WDR41: variants seen among roughly 807,000 people sequenced by gnomAD.
WDR41 encodes the protein WD repeat domain 41, also known as WD repeat-containing protein 41.
A neutral mutation model predicts 69.3 loss-of-function variants in WDR41; 63 were observed. The ratio of observed to expected loss-of-function variants is 0.91; its 90% confidence interval spans 0.74 to 1.12. The LOEUF (loss-of-function observed/expected upper bound fraction) is 1.12. Among genes scored for constraint, WDR41 ranks in the 50% most tolerant of loss-of-function variants. The probability of loss-of-function intolerance (pLI) is 0.00; values close to 1 mark genes in which losing one functional copy is unlikely to be tolerated. For missense variants in WDR41, 543 were observed against 534.5 expected (o/e 1.02, Z -0.16); for synonymous variants, 185 against 192.1 (o/e 0.96, Z 0.31).
intron 1 of WDR41, among the ~76,000 whole-genome samples, chr5:77,614,651 TGG>T (rs1193049469): frequency 1.1e-4 from 1 of 9,430 alleles, no homozygotes; most frequent in African/African-American, 3.7e-4. Flanking sequence ...TGTTGTGGGG[TGG>T]GGGGGGAGGG....
At chr5:77,538,110 T>C (rs1743022735) in intron 1 of WDR41, among the ~76,000 whole-genome samples, 1 of 152,150 alleles carries the variant, frequency 6.6e-6, no homozygotes, top group South Asian at 2.1e-4. Flanking sequence ...TCCTACTGAA[T>C]CTCTCCACTC....
At chr5:77,449,235 C>T (rs938391079) in intron 8 of WDR41, among the ~76,000 whole-genome samples, 1 of 98,232 alleles carries the variant, frequency 1.0e-5, no homozygotes, top group African/African-American at 6.5e-5. Context: ...TCAAAACCCC[C>T]ACCACGAGGA....
intron 2 of WDR41, among the ~76,000 whole-genome samples, chr5:77,471,833 G>A (rs1012343325): frequency 9.9e-5 from 15 of 152,054 alleles, no homozygotes; most frequent in African/African-American, 2.4e-4. Flanking sequence ...ATTCACAGCC[G>A]AATTCTACCA....
intron 1 of WDR41, among the ~76,000 whole-genome samples, chr5:77,604,479 T>C (rs879399921): frequency 5.3e-5 from 8 of 152,240 alleles, no homozygotes; most frequent in Non-Finnish European, 1.0e-4. Context: ...AAAGTCATCC[T>C]CAGTCTTAAG....
At position 77,463,146 on chromosome 5, in the gene WDR41, A is replaced by G; in HGVS notation, c.297T>C (p.Cys99=). Residue 99 remains cysteine, a synonymous_variant, in exon 4 of 13, where the codon TGT becomes TGC. Coordinates refer to ENST00000296679, the MANE Select transcript of WDR41 (RefSeq NM_018268.4). Reference sequence around the variant, plus strand: ...TCAAGATGAGTTGATTTTTCTCTTCACAAGATTCCAAGGAAGGAAATGTAA... The same window carrying G: ...TCAAGATGAGTTGATTTTTCTCTTCGCAAGATTCCAAGGAAGGAAATGTAA... ...AIITFPSLES[C]EEKNQLILTA... The G allele has an allele frequency of 6.2e-7, 1 of 1,612,692 alleles. No individual in the cohort carries two copies. The highest frequency in any genetic ancestry group is 8.5e-7 in the Non-Finnish European group (1 of 1,179,332).
chr5:77,574,076 T>A (rs936183270), intron 1 of WDR41, among the ~76,000 whole-genome samples: 2 of 152,206 alleles, frequency 1.3e-5, no homozygotes, highest in Admixed American at 6.5e-5. Flanking sequence ...GGCAGGCGAA[T>A]CACCTGAGGC....
chr5:77,493,836 A>G (rs1032346247), upstream of WDR41, among the ~76,000 whole-genome samples: 2 of 152,194 alleles, frequency 1.3e-5, no homozygotes, highest in East Asian at 1.9e-4. Context: ...GGTTTGCCCC[A>G]TGCTCTTTAG....
chr5:77,443,378 T>A (rs1799251707), intron 8 of WDR41, among the ~76,000 whole-genome samples: 1 of 152,210 alleles, frequency 6.6e-6, no homozygotes, highest in African/African-American at 2.4e-5. Flanking sequence ...AAATCTCTAA[T>A]GACCACATGA....
intron 1 of WDR41, among the ~76,000 whole-genome samples, chr5:77,555,126 C>T (rs1049445155): frequency 6.6e-6 from 1 of 151,378 alleles, no homozygotes; most frequent in Non-Finnish European, 1.5e-5. Flanking sequence ...ACTTAACACA[C>T]ACACTCGTAC....
chr5:77,513,521 A>G (rs1409223182), intron 1 of WDR41, among the ~76,000 whole-genome samples: 2 of 152,188 alleles, frequency 1.3e-5, no homozygotes, highest in Admixed American at 1.3e-4. Flanking sequence ...GAACTAAATT[A>G]CTATTCCTCA....
In WDR41 at chr5:77,431,701, G is replaced by C. The variant is rs1235233025; in HGVS notation, c.*1434C>G. 1 of 152,176 alleles carries C rather than the reference G, an allele frequency of 6.6e-6. No individual in the cohort carries two copies. Among genetic ancestry groups the C allele is most frequent in the African/African-American group, 2.4e-5 (1 of 41,432 alleles). The allele number at this position is 152,176 out of a possible 1,614,324, so 9.4% of individuals were successfully genotyped here. A position where few individuals can be genotyped will look rare whatever the true frequency, so the allele number is the denominator to read the frequency against. ...AAACAGTTAAGTCTATGGCTCCCTT[G>C]TGTCATACAACTTCAGAAAACAACT... On this transcript the variant is annotated 3_prime_UTR_variant, in exon 13 of 13. Transcript: ENST00000296679.
intron 2 of WDR41, among the ~76,000 whole-genome samples, chr5:77,486,540 C>T (rs991488491): frequency 2.0e-5 from 3 of 152,194 alleles, no homozygotes; most frequent in Admixed American, 6.5e-5. Context: ...CTTTGGCTGA[C>T]GAAACAGCAG....
chr5:77,604,682 A>G (rs992765532), intron 1 of WDR41, among the ~76,000 whole-genome samples: 2 of 152,206 alleles, frequency 1.3e-5, no homozygotes, highest in South Asian at 2.1e-4. Flanking sequence ...ATGAAATGAT[A>G]AATGTTCATT....
intron 4 of WDR41, among the ~76,000 whole-genome samples, chr5:77,459,445 T>G (rs574136967): frequency 6.6e-6 from 1 of 152,168 alleles, no homozygotes; most frequent in Non-Finnish European, 1.5e-5. Context: ...TTCTCCAGAA[T>G]AGCCCACCAT....
intron 1 of WDR41, among the ~76,000 whole-genome samples, chr5:77,490,922 C>A (rs577846089): frequency 2.0e-5 from 3 of 152,320 alleles, no homozygotes; most frequent in East Asian, 3.9e-4. Flanking sequence ...GAGAAGACTG[C>A]CTACTCTCAA....
At chr5:77,593,032 T>C (rs937617183) in intron 1 of WDR41, among the ~76,000 whole-genome samples, 3 of 151,882 alleles carry the variant, frequency 2.0e-5, no homozygotes, top group African/African-American at 4.8e-5. Context: ...CACATGAATA[T>C]CAGAAAGAAG....
chr5:77,569,052 T>A (rs978704457), intron 1 of WDR41, among the ~76,000 whole-genome samples: 1 of 152,198 alleles, frequency 6.6e-6, no homozygotes, highest in Non-Finnish European at 1.5e-5. Flanking sequence ...TCAAGCACTT[T>A]GACACTTTGT....
intron 1 of WDR41, chr5:77,582,318 A>C (rs1488196796): frequency 3.3e-6 from 5 of 1,498,040 alleles, no homozygotes; most frequent in African/African-American, 2.8e-5. Context: ...TAGATATATA[A>C]CAAGTTAACA....
chr5:77,449,792 T>A lies in WDR41; in HGVS notation c.665A>T (p.Gln222Leu), dbSNP rs764782466. The stretch of plus-strand genomic sequence containing the variant: ...ATTAATCAATGAGAGAATATTATCC[T>A]GGTGATCAAGGAGGCGCTTAACTTC... ...ILEVKRLLDHQDNILSLINVN... is the reference protein window; with the variant it reads ...ILEVKRLLDHLDNILSLINVN... The change falls in exon 8 of 13, where the codon CAG (glutamine) becomes CTG (leucine). Residue 222 changes from glutamine (Q) to leucine (L), a missense_variant. By Grantham distance (113) the Gln-to-Leu change is moderately radical. Coordinates refer to ENST00000296679, the MANE Select transcript of WDR41 (RefSeq NM_018268.4). 1 of 1,613,164 alleles carries A rather than the reference T, an allele frequency of 6.2e-7. No individual in the cohort carries two copies. The highest frequency in any genetic ancestry group is 8.5e-7 in the Non-Finnish European group (1 of 1,179,148).
Sources: gnomAD v4.1 joint callset for allele counts (sites outside exome capture counted in the v4.1 genomes callset) on GRCh38, gnomAD v4.1.1 for gene constraint, MANE v1.5 for transcripts, NCBI Gene and HGNC (gene_info 2026-07-23, HGNC 2026-07-21) for gene names.